Variants in DLGAP1 observed in about 807,000 individuals in gnomAD.
DLGAP1 encodes the protein DLG associated protein 1.
A neutral mutation model predicts 90.8 loss-of-function variants in DLGAP1; 11 were observed. The observed-to-expected ratio is 0.12, with a 90% confidence interval of 0.08 to 0.20. The LOEUF is 0.20. Ranked by LOEUF, DLGAP1 falls within the 10% of genes least tolerant of loss-of-function variation. The probability of loss-of-function intolerance (pLI) is 1.00; values close to 1 mark genes in which losing one functional copy is unlikely to be tolerated. For synonymous variants in DLGAP1, 558 were observed against 540.7 expected, an observed-to-expected ratio of 1.03 and a Z score of -0.44; for missense variants, 1,050 against 1,333.8, an observed-to-expected ratio of 0.79 and a Z score of 3.31.
chr18:3,546,485 T>A (rs2053027917), intron 9 of DLGAP1, among the ~76,000 whole-genome samples: 1 of 150,116 alleles, frequency 6.7e-6, no homozygotes, highest in Non-Finnish European at 1.5e-5. Context: ...CAAGATAGAC[T>A]ATATTTTGGC....
At chr18:3,514,026 TAGC>T (rs1235302266) in intron 10 of DLGAP1, among the ~76,000 whole-genome samples, 1 of 152,178 alleles carries the variant, frequency 6.6e-6, no homozygotes, top group Non-Finnish European at 1.5e-5. Context: ...TAAGCATAAT[TAGC>T]ATATGCATCC....
intron 10 of DLGAP1, among the ~76,000 whole-genome samples, chr18:3,532,612 T>A (rs1474762352): frequency 6.6e-6 from 1 of 151,304 alleles, no homozygotes. Context: ...AAAAAGCTCA[T>A]AATAAAAATT....
At chr18:4,172,963 C>T (rs11081097) in intron 1 of DLGAP1, among the ~76,000 whole-genome samples, 69,855 of 152,076 alleles carry the variant, frequency 0.46, 17,734 homozygotes, top group East Asian at 0.69. Context: ...CAAACTGTTA[C>T]GTTTCTTGCA....
intron 1 of DLGAP1, among the ~76,000 whole-genome samples, chr18:4,266,213 G>T (rs1350652644): frequency 6.6e-6 from 1 of 151,906 alleles, no homozygotes; most frequent in Admixed American, 6.5e-5. Flanking sequence ...ACTTCTTCTT[G>T]CAGGCCCTTT....
chr18:3,827,256 G>A (rs868783919), intron 4 of DLGAP1, among the ~76,000 whole-genome samples: 2 of 152,102 alleles, frequency 1.3e-5, no homozygotes, highest in Admixed American at 6.5e-5. Context: ...GTTGGTAGAA[G>A]AGAGAAATGG....
intron 5 of DLGAP1, among the ~76,000 whole-genome samples, chr18:3,792,241 G>A (rs1181148958): frequency 3.3e-5 from 5 of 152,200 alleles, no homozygotes; most frequent in African/African-American, 9.7e-5. Context: ...ATCACTTTGG[G>A]AGGCTGAGGT....
At chr18:4,453,501 C>G (rs896429093) in intron 1 of DLGAP1, among the ~76,000 whole-genome samples, 1 of 152,104 alleles carries the variant, frequency 6.6e-6, no homozygotes, top group African/African-American at 2.4e-5. Flanking sequence ...AAAGTCGTTT[C>G]CTGAACTGAA....
At position 3,590,175 on chromosome 18, in the gene DLGAP1, G is replaced by T. The variant is rs138539355; in HGVS notation, c.1592-7927C>A. On this transcript the variant is annotated intron_variant, in intron 7 of 12. Transcript: ENST00000315677. ...TCCAGCTCCCTTAGCCTCCCAAAGT[G>T]TTGGGATTACACGTGTGAGTCACTG... is the stretch of plus-strand genomic sequence containing the variant. 8.9e-3 allele frequency among the ~76,000 whole-genome samples: 1,351 copies of T among 152,246 alleles called. 19 individuals carry two copies. The highest frequency in any genetic ancestry group is 0.029 in the African/African-American group (1,225 of 41,540).
chr18:4,406,601 T>C (rs908921636), intron 1 of DLGAP1, among the ~76,000 whole-genome samples: 1 of 152,164 alleles, frequency 6.6e-6, no homozygotes, highest in Non-Finnish European at 1.5e-5. Context: ...AGTCTCTTTT[T>C]GCCAGGTGGG....
intron 9 of DLGAP1, among the ~76,000 whole-genome samples, chr18:3,553,091 T>A (rs548626662): frequency 5.9e-5 from 9 of 152,268 alleles, no homozygotes; most frequent in Non-Finnish European, 1.2e-4. Context: ...TTTTTCACCA[T>A]CTTTAAACAG....
intron 1 of DLGAP1, among the ~76,000 whole-genome samples, chr18:4,178,110 T>G (rs1042043204): frequency 6.6e-6 from 1 of 151,952 alleles, no homozygotes; most frequent in African/African-American, 2.4e-5. Flanking sequence ...CATTCAAGTA[T>G]TATCTACTTC....
At chr18:4,239,497 G>T (rs1349044114) in intron 1 of DLGAP1, among the ~76,000 whole-genome samples, 6 of 152,000 alleles carry the variant, frequency 3.9e-5, no homozygotes, top group Non-Finnish European at 7.4e-5. Context: ...TACTCAGAAG[G>T]TCCCTAAATA....
At chr18:4,094,152 A>G (rs1390999714) in intron 2 of DLGAP1, among the ~76,000 whole-genome samples, 1 of 152,162 alleles carries the variant, frequency 6.6e-6, no homozygotes, top group Admixed American at 6.5e-5. Flanking sequence ...AAAAATACTG[A>G]TATGTATTAT....
chr18:3,715,775 C>T (rs2061741514), intron 7 of DLGAP1, among the ~76,000 whole-genome samples: 1 of 152,090 alleles, frequency 6.6e-6, no homozygotes, highest in African/African-American at 2.4e-5. Context: ...AGAGTAAGGA[C>T]TACAAAGGCA....
chr18:3,971,747 C>G (rs2073454948), intron 3 of DLGAP1, among the ~76,000 whole-genome samples: 1 of 152,098 alleles, frequency 6.6e-6, no homozygotes, highest in Non-Finnish European at 1.5e-5. Context: ...AGTCACAGGG[C>G]AATAGGTTTA....
intron 4 of DLGAP1, among the ~76,000 whole-genome samples, chr18:3,877,491 T>C (rs1464784664): frequency 3.9e-5 from 6 of 152,240 alleles, no homozygotes; most frequent in Non-Finnish European, 8.8e-5. Context: ...TTTTTGCCAC[T>C]GGTCATAGAA....
chr18:3,505,176 G>C (rs1189243410), intron 11 of DLGAP1, among the ~76,000 whole-genome samples: 1 of 151,872 alleles, frequency 6.6e-6, no homozygotes, highest in Non-Finnish European at 1.5e-5. Flanking sequence ...ATGGAGCTGA[G>C]TCTGCTCCAT....
intron 5 of DLGAP1, among the ~76,000 whole-genome samples, chr18:3,792,079 C>T (rs1390452731): frequency 3.3e-5 from 5 of 152,212 alleles, no homozygotes; most frequent in African/African-American, 7.2e-5. Context: ...CTGGTATCAT[C>T]GCACTGCAGA....
chr18:4,011,909 T>A (rs895600328), intron 2 of DLGAP1, among the ~76,000 whole-genome samples: 1 of 152,088 alleles, frequency 6.6e-6, no homozygotes, highest in African/African-American at 2.4e-5. Flanking sequence ...ATAACAGCCA[T>A]GAGCATAAGC....
Sources: gnomAD v4.1 joint callset for allele counts (sites outside exome capture counted in the v4.1 genomes callset) on GRCh38, gnomAD v4.1.1 for gene constraint, MANE v1.5 for transcripts, NCBI Gene and HGNC (gene_info 2026-07-23, HGNC 2026-07-21) for gene names.